Variants in TAFA2 observed in about 807,000 individuals in gnomAD.
TAFA2 encodes the protein chemokine-like protein TAFA-2.
TAFA2 carries 7 observed loss-of-function variants against 18.8 expected under a neutral mutation model. That is an observed-to-expected ratio of 0.37 (90% CI 0.21 to 0.70). The LOEUF (loss-of-function observed/expected upper bound fraction) is 0.70. Ranked by LOEUF, TAFA2 falls within the 30% of genes least tolerant of loss-of-function variation. The probability of loss-of-function intolerance (pLI) is 0.53; values close to 1 mark genes in which losing one functional copy is unlikely to be tolerated. For synonymous variants in TAFA2, 60 were observed against 54.2 expected, an observed-to-expected ratio of 1.11 and a Z score of -0.47; for missense variants, 122 against 158.1, an observed-to-expected ratio of 0.77 and a Z score of 1.23.
At chr12:62,059,318 A>T (rs1203535024) in intron 1 of TAFA2, among the ~76,000 whole-genome samples, 1 of 151,946 alleles carries the variant, frequency 6.6e-6, no homozygotes, top group Non-Finnish European at 1.5e-5. Context: ...CCCAGTCTCT[A>T]AAAAAATAAA....
chr12:61,984,117 G>A (rs1006615879), intron 1 of TAFA2, among the ~76,000 whole-genome samples: 10 of 152,136 alleles, frequency 6.6e-5, no homozygotes, highest in East Asian at 3.9e-4. Flanking sequence ...ATAACACCAC[G>A]TATATCTTCC....
At chr12:61,759,344 A>G (rs900225505) in intron 2 of TAFA2, among the ~76,000 whole-genome samples, 2 of 152,006 alleles carry the variant, frequency 1.3e-5, no homozygotes, top group Non-Finnish European at 2.9e-5. Context: ...GTCTAGTGAA[A>G]TGAAAGTTAA....
intron 1 of TAFA2, among the ~76,000 whole-genome samples, chr12:62,117,802 G>A (rs1036760823): frequency 7.2e-5 from 11 of 152,012 alleles, no homozygotes; most frequent in Non-Finnish European, 1.3e-4. Context: ...AATAGAGCCT[G>A]CCATGCCAAC....
chr12:61,721,527 G>A (rs11174141), intron 4 of TAFA2, among the ~76,000 whole-genome samples: 42,992 of 151,916 alleles, frequency 0.28, 6,764 homozygotes, highest in South Asian at 0.38. Context: ...ACCCCTGGGC[G>A]GCATTCATTT....
intron 1 of TAFA2, among the ~76,000 whole-genome samples, chr12:62,179,652 C>A (rs1302133391): frequency 6.6e-6 from 1 of 152,234 alleles, no homozygotes; most frequent in East Asian, 1.9e-4. Context: ...CAGTGCATTG[C>A]CATTTTACCT....
chr12:61,878,271 A>C (rs991830406), intron 1 of TAFA2: 1 of 291,528 alleles, frequency 3.4e-6, no homozygotes, highest in Non-Finnish European at 6.9e-6. Context: ...ATGCTGCTGA[A>C]TTGTACAAAA....
chr12:62,079,988 T>A (rs1489171435), intron 1 of TAFA2, among the ~76,000 whole-genome samples: 2 of 152,194 alleles, frequency 1.3e-5, no homozygotes, highest in African/African-American at 2.4e-5. Context: ...TCAGATCTTA[T>A]AGGCTAAAAT....
chr12:62,234,811 G>A, intron 1 of TAFA2: 1 of 1,018,396 alleles, frequency 9.8e-7, no homozygotes, highest in South Asian at 1.3e-5. Context: ...GGGCCTGCTT[G>A]GGAGTCTGGC....
intron 2 of TAFA2, among the ~76,000 whole-genome samples, chr12:61,825,388 GA>G (rs1463134200): frequency 1.3e-5 from 2 of 152,252 alleles, no homozygotes; most frequent in East Asian, 3.9e-4. Flanking sequence ...ACAACATTAG[GA>G]GGGTTAAGAG....
chr12:61,938,072 C>T (rs1362909855), intron 1 of TAFA2, among the ~76,000 whole-genome samples: 1 of 151,918 alleles, frequency 6.6e-6, no homozygotes, highest in African/African-American at 2.4e-5. Flanking sequence ...CACTAATCAT[C>T]AGGGAAATAC....
rs112493441 is a variant in TAFA2, at chr12:62,119,399, G to A, written c.-2+71860C>T. On this transcript the variant is annotated intron_variant, in intron 1 of 4. Transcript: ENST00000416284. ...TGATTTCCCCGAAGCATCCCCAATC[G>A]TCTCAACAAGGCATATTTAAAAATC... 1.2e-4 allele frequency among the ~76,000 whole-genome samples: 18 copies of A among 152,106 alleles called. No homozygotes were observed. The South Asian group carries it at 1.9e-3, about 16-fold the overall frequency.
chr12:62,058,844 C>T (rs1057401105), intron 1 of TAFA2, among the ~76,000 whole-genome samples: 1 of 152,180 alleles, frequency 6.6e-6, no homozygotes, highest in Non-Finnish European at 1.5e-5. Context: ...TGGCTCACGC[C>T]TGTAATCCCA....
At chr12:62,103,182 G>A (rs767386411) in intron 1 of TAFA2, among the ~76,000 whole-genome samples, 2 of 152,194 alleles carry the variant, frequency 1.3e-5, no homozygotes, top group East Asian at 1.9e-4. Context: ...TGGAGGAAAC[G>A]TTGACCAAAA....
chr12:62,050,351 A>G (rs1435754686), intron 1 of TAFA2, among the ~76,000 whole-genome samples: 2 of 152,070 alleles, frequency 1.3e-5, no homozygotes, highest in East Asian at 3.9e-4. Context: ...TGGGTAGATC[A>G]CGACATCAGG....
intron 1 of TAFA2, among the ~76,000 whole-genome samples, chr12:62,012,500 A>G (rs1880805294): frequency 6.6e-6 from 1 of 151,908 alleles, no homozygotes; most frequent in Admixed American, 6.6e-5. Flanking sequence ...AAGATGAGAC[A>G]TTTCCTATTT....
At chr12:61,756,646 C>T (rs903579522) in intron 2 of TAFA2, among the ~76,000 whole-genome samples, 2 of 151,884 alleles carry the variant, frequency 1.3e-5, no homozygotes, top group African/African-American at 2.4e-5. Flanking sequence ...TAAGCACCCA[C>T]GGTAATAATT....
At chr12:62,216,280 T>C (rs1329718650) in intron 1 of TAFA2, among the ~76,000 whole-genome samples, 2 of 152,208 alleles carry the variant, frequency 1.3e-5, no homozygotes, top group African/African-American at 2.4e-5. Flanking sequence ...AACCCCCATG[T>C]TGGTACCTTA....
At chr12:61,943,790 C>A (rs1229481271) in intron 1 of TAFA2, among the ~76,000 whole-genome samples, 3 of 129,944 alleles carry the variant, frequency 2.3e-5, no homozygotes, top group East Asian at 2.3e-4. Context: ...ACAGGAGCAC[C>A]CAGATTCATA....
intron 1 of TAFA2, among the ~76,000 whole-genome samples, chr12:61,956,268 T>C (rs1356125270): frequency 6.6e-6 from 1 of 152,094 alleles, no homozygotes; most frequent in Non-Finnish European, 1.5e-5. Context: ...CTAATACATC[T>C]TAAGTTGAGA....
Sources: gnomAD v4.1 joint callset for allele counts (sites outside exome capture counted in the v4.1 genomes callset) on GRCh38, gnomAD v4.1.1 for gene constraint, MANE v1.5 for transcripts, NCBI Gene and HGNC (gene_info 2026-07-23, HGNC 2026-07-21) for gene names.